PCDH9: variants seen among roughly 807,000 people sequenced by gnomAD.
PCDH9 encodes protocadherin 9, also known as protocadherin-9.
In PCDH9, 24 loss-of-function variants were observed where a neutral mutation model predicts 70.6. The observed-to-expected ratio is 0.34, with a 90% CI of 0.25 to 0.48. The LOEUF is 0.48. Among genes scored for constraint, PCDH9 ranks in the 20% least tolerant of loss-of-function variants. The probability of loss-of-function intolerance (pLI) is 0.99; values close to 1 mark genes in which losing one functional copy is unlikely to be tolerated. For synonymous variants in PCDH9, 562 were observed against 558.5 expected, an observed-to-expected ratio of 1.01 and a Z score of -0.09; for missense variants, 1,281 against 1,503.6, an observed-to-expected ratio of 0.85 and a Z score of 2.45.
At chr13:66,553,355 T>C (rs1961582615) in intron 4 of PCDH9, among the ~76,000 whole-genome samples, 1 of 152,150 alleles carries the variant, frequency 6.6e-6, no homozygotes, top group East Asian at 1.9e-4. Flanking sequence ...TAATAAATAT[T>C]CTTAGAATAT....
chr13:66,494,394 C>A (rs1259541408), intron 4 of PCDH9, among the ~76,000 whole-genome samples: 1 of 152,086 alleles, frequency 6.6e-6, no homozygotes, highest in African/African-American at 2.4e-5. Context: ...AATCACCAAG[C>A]CTGACAAACA....
chr13:66,319,768 A>C (rs1387686817), intron 4 of PCDH9, among the ~76,000 whole-genome samples: 2 of 152,074 alleles, frequency 1.3e-5, no homozygotes, highest in Non-Finnish European at 2.9e-5. Flanking sequence ...TTGTAATATA[A>C]AAGTCAAAAG....
chr13:66,844,344 T>C (rs1479788108), intron 3 of PCDH9, among the ~76,000 whole-genome samples: 1 of 152,074 alleles, frequency 6.6e-6, no homozygotes, highest in Non-Finnish European at 1.5e-5. Flanking sequence ...CTCAGCACTT[T>C]GGGAAGCCGA....
At chr13:66,786,542 T>A (rs1045851520) in intron 3 of PCDH9, among the ~76,000 whole-genome samples, 1 of 152,220 alleles carries the variant, frequency 6.6e-6, no homozygotes, top group Non-Finnish European at 1.5e-5. Flanking sequence ...GCTATTGATC[T>A]GATTGCATCA....
intron 2 of PCDH9, among the ~76,000 whole-genome samples, chr13:67,035,345 GT>G (rs2084988409): frequency 6.6e-6 from 1 of 151,868 alleles, no homozygotes; most frequent in African/African-American, 2.4e-5. Context: ...ACATATAATT[GT>G]AACTTCAATT....
intron 3 of PCDH9, among the ~76,000 whole-genome samples, chr13:66,647,363 A>G (rs565061980): frequency 1.3e-5 from 2 of 152,234 alleles, no homozygotes; most frequent in Admixed American, 1.3e-4. Context: ...GCTCAACCAT[A>G]GTAGGATAGA....
chr13:67,147,939 T>G (rs1029819488), intron 2 of PCDH9, among the ~76,000 whole-genome samples: 1 of 152,136 alleles, frequency 6.6e-6, no homozygotes. Flanking sequence ...AGGATAAAAC[T>G]ATCATATCCT....
chr13:67,055,434 T>A lies in PCDH9; in HGVS notation c.3037-151829A>T, dbSNP rs146341759. On this transcript the variant is annotated intron_variant, in intron 2 of 4. Coordinates refer to ENST00000377865, the MANE Select transcript of PCDH9 (RefSeq NM_203487.3). ...TTCACATTCACTGAGTGTCTTTAAG[T>A]GGACAATACTCCCCTTAAGATTTTT... Among the ~76,000 whole-genome samples, 230 of 152,302 alleles carry A rather than the reference T, an allele frequency of 1.5e-3. 1 individual carries two copies. The highest frequency in any genetic ancestry group is 5.3e-3 in the African/African-American group (219 of 41,574).
At chr13:66,444,544 T>A (rs893204824) in intron 4 of PCDH9, among the ~76,000 whole-genome samples, 2 of 152,062 alleles carry the variant, frequency 1.3e-5, no homozygotes, top group Non-Finnish European at 2.9e-5. Context: ...TGTTTTTATT[T>A]ATTTATTTTA....
At chr13:67,154,958 C>T (rs1251014432) in intron 2 of PCDH9, among the ~76,000 whole-genome samples, 1 of 151,854 alleles carries the variant, frequency 6.6e-6, no homozygotes, top group Non-Finnish European at 1.5e-5. Context: ...GGTGATCCAC[C>T]CACCTGAGTG....
chr13:67,121,844 C>T (rs2086883042), intron 2 of PCDH9, among the ~76,000 whole-genome samples: 1 of 152,088 alleles, frequency 6.6e-6, no homozygotes, highest in Non-Finnish European at 1.5e-5. Flanking sequence ...TCCTGTGCCT[C>T]CATTTCTTCA....
intron 3 of PCDH9, among the ~76,000 whole-genome samples, chr13:66,675,554 T>TA (rs2078231521): frequency 6.6e-6 from 1 of 152,122 alleles, no homozygotes; most frequent in Non-Finnish European, 1.5e-5. Context: ...AGATCCAGGA[T>TA]AAAATCTTTC....
At chr13:66,410,357 C>A (rs1182089560) in intron 4 of PCDH9, among the ~76,000 whole-genome samples, 1 of 152,126 alleles carries the variant, frequency 6.6e-6, no homozygotes, top group African/African-American at 2.4e-5. Context: ...TGGTTGAGAA[C>A]AGCAAATTAT....
intron 4 of PCDH9, among the ~76,000 whole-genome samples, chr13:66,400,825 A>T (rs865989996): frequency 6.6e-6 from 1 of 152,172 alleles, no homozygotes; most frequent in African/African-American, 2.4e-5. Flanking sequence ...GTAATATCTA[A>T]GGAAAAAAAA....
chr13:66,512,720 T>TA (rs943531497), intron 4 of PCDH9, among the ~76,000 whole-genome samples: 1 of 152,202 alleles, frequency 6.6e-6, no homozygotes, highest in African/African-American at 2.4e-5. Flanking sequence ...GTTAATGTAA[T>TA]AAAAAATTCT....
At chr13:66,465,553 T>C (rs1958500586) in intron 4 of PCDH9, among the ~76,000 whole-genome samples, 4 of 151,908 alleles carry the variant, frequency 2.6e-5, no homozygotes. Flanking sequence ...CGTCTAGTTT[T>C]ATTCACATCA....
chr13:67,180,066 C>T (rs775782574), intron 2 of PCDH9, among the ~76,000 whole-genome samples: 1 of 151,728 alleles, frequency 6.6e-6, no homozygotes, highest in East Asian at 1.9e-4. Context: ...TAGAAAATAT[C>T]TCTTAGAATT....
intron 2 of PCDH9, among the ~76,000 whole-genome samples, chr13:67,093,565 A>G (rs1259695383): frequency 6.6e-6 from 1 of 152,186 alleles, no homozygotes; most frequent in East Asian, 1.9e-4. Flanking sequence ...GATTTTAGAT[A>G]AAAACAGTGT....
At chr13:67,027,185 C>G (rs555455952) in intron 2 of PCDH9, among the ~76,000 whole-genome samples, 2 of 152,102 alleles carry the variant, frequency 1.3e-5, no homozygotes, top group East Asian at 3.9e-4. Flanking sequence ...CTACAGTAAC[C>G]AAAACAGCAT....
Sources: gnomAD v4.1 joint callset for allele counts (sites outside exome capture counted in the v4.1 genomes callset) on GRCh38, gnomAD v4.1.1 for gene constraint, MANE v1.5 for transcripts, NCBI Gene and HGNC (gene_info 2026-07-23, HGNC 2026-07-21) for gene names.